Variants in LRRC4C observed in about 807,000 individuals in gnomAD.
LRRC4C encodes leucine-rich repeat-containing protein 4C.
A neutral mutation model predicts 33.6 loss-of-function variants in LRRC4C; 5 were observed. That is an observed-to-expected ratio of 0.15 (90% confidence interval 0.08 to 0.31). The LOEUF (loss-of-function observed/expected upper bound fraction) is 0.31. LRRC4C is among the 10% of genes least tolerant of loss of function. LRRC4C has a pLI of 1.00. For synonymous variants in LRRC4C, 329 were observed against 302.0 expected (o/e 1.09, Z -0.93); for missense variants, 560 against 796.7 (o/e 0.70, Z 3.58).
chr11:40,807,474 T>TCAG (rs11282323), intron 2 of LRRC4C, among the ~76,000 whole-genome samples: 1 of 151,938 alleles, frequency 6.6e-6, no homozygotes, highest in African/African-American at 2.4e-5. Flanking sequence ...TGGAAACAGC[T>TCAG]TTACTCCAAC....
At chr11:41,215,574 T>A (rs1947026251) in intron 1 of LRRC4C, among the ~76,000 whole-genome samples, 1 of 151,888 alleles carries the variant, frequency 6.6e-6, no homozygotes, top group Non-Finnish European at 1.5e-5. Flanking sequence ...ACCACTAATC[T>A]ACTTTTTTAT....
intron 2 of LRRC4C, among the ~76,000 whole-genome samples, chr11:40,781,774 G>T (rs939775210): frequency 6.6e-6 from 1 of 152,128 alleles, no homozygotes; most frequent in Non-Finnish European, 1.5e-5. Context: ...TGAGAAATGG[G>T]TTCTCCCAAT....
chr11:40,351,093 T>A (rs1204984062), intron 3 of LRRC4C, among the ~76,000 whole-genome samples: 5 of 152,046 alleles, frequency 3.3e-5, no homozygotes, highest in Admixed American at 3.3e-4. Flanking sequence ...GTTTGATTGT[T>A]CTGTGTAGGA....
At chr11:40,254,244 T>C (rs1252853534) in intron 4 of LRRC4C, among the ~76,000 whole-genome samples, 1 of 152,210 alleles carries the variant, frequency 6.6e-6, no homozygotes, top group Non-Finnish European at 1.5e-5. Context: ...ACAGGGCTGA[T>C]AAAATACCAT....
intron 3 of LRRC4C, among the ~76,000 whole-genome samples, chr11:40,573,054 A>G (rs1259912302): frequency 6.6e-6 from 1 of 152,196 alleles, no homozygotes; most frequent in African/African-American, 2.4e-5. Context: ...AGATTACTCA[A>G]GATAAAATAA....
At chr11:40,565,149 TTTCTTCC>T (rs750344803) in intron 3 of LRRC4C, among the ~76,000 whole-genome samples, 8 of 152,294 alleles carry the variant, frequency 5.3e-5, no homozygotes, top group Admixed American at 3.3e-4. Flanking sequence ...TTCATTCCAC[TTTCTTCC>T]TTCTTCAATG....
intron 1 of LRRC4C, among the ~76,000 whole-genome samples, chr11:40,939,237 T>C (rs1245740532): frequency 6.6e-6 from 1 of 152,138 alleles, no homozygotes. Context: ...AGATTTAATT[T>C]TAAAAAGGTG....
At chr11:40,293,657 T>C (rs952010178) in intron 4 of LRRC4C, 11 of 148,646 alleles carry the variant, frequency 7.4e-5, no homozygotes, top group Non-Finnish European at 3.0e-5. Flanking sequence ...AGAAAACGGG[T>C]AAAAAAAAAA....
intron 2 of LRRC4C, among the ~76,000 whole-genome samples, chr11:40,722,082 A>G (rs183952236): frequency 6.6e-6 from 1 of 152,228 alleles, no homozygotes; most frequent in Non-Finnish European, 1.5e-5. Flanking sequence ...CCACAAAAAA[A>G]TTACAGACAA....
chr11:41,419,702 C>T (rs1954809705), intron 1 of LRRC4C, among the ~76,000 whole-genome samples: 2 of 151,934 alleles, frequency 1.3e-5, no homozygotes, highest in African/African-American at 4.8e-5. Flanking sequence ...CTCCTGTAAT[C>T]ATCACAAAAC....
At chr11:40,898,366 A>AAAAAAAAAAAAAAAG (rs1554991246) in intron 2 of LRRC4C, among the ~76,000 whole-genome samples, 37 of 117,426 alleles carry the variant, frequency 3.2e-4, no homozygotes, top group East Asian at 5.2e-4. Flanking sequence ...AAAAAAAAAA[A>AAAAAAAAAAAAAAAG]AAAAAAGAAA....
chr11:40,796,094 GGTATTATACC>G (rs1950813884), intron 2 of LRRC4C, among the ~76,000 whole-genome samples: 1 of 152,050 alleles, frequency 6.6e-6, no homozygotes, highest in African/African-American at 2.4e-5. Context: ...TGGGTGCTTT[GGTATTATACC>G]CAGGTTTTGG....
intron 2 of LRRC4C, among the ~76,000 whole-genome samples, chr11:40,654,941 G>A (rs951457946): frequency 6.6e-6 from 1 of 152,078 alleles, no homozygotes; most frequent in Non-Finnish European, 1.5e-5. Context: ...TAAGTGTCTG[G>A]CATTTCCACT....
chr11:40,674,871 T>C (rs1195687330), intron 2 of LRRC4C, among the ~76,000 whole-genome samples: 1 of 152,102 alleles, frequency 6.6e-6, no homozygotes, highest in Admixed American at 6.5e-5. Flanking sequence ...ATTTCATAGA[T>C]GAAAAAACTG....
chr11:40,602,193 C>CAAAAAAAAAA (rs375091552), intron 3 of LRRC4C, among the ~76,000 whole-genome samples: 2 of 93,830 alleles, frequency 2.1e-5, no homozygotes, highest in Non-Finnish European at 3.8e-5. Flanking sequence ...GAATCTGTCT[C>CAAAAAAAAAA]AAAAAAAAAA....
In LRRC4C at chr11:40,140,225, G is replaced by C. The variant is rs139615729; in HGVS notation, c.-43+576C>G. Among the ~76,000 whole-genome samples the C allele has an allele frequency of 8.5e-4, 129 of 152,234 alleles. No individual in the cohort carries two copies. In the Middle Eastern group the frequency reaches 0.02, roughly 24 times the overall value. ...TTTAATGATGATACAATAAATCATA[G>C]AGCAAAGAGTCAGTGTTCCTGCCTC... On this transcript the variant is annotated intron_variant, in intron 6 of 6. Transcript: ENST00000528697.
At chr11:40,595,229 G>A (rs12222859) in intron 3 of LRRC4C, among the ~76,000 whole-genome samples, 1 of 150,086 alleles carries the variant, frequency 6.7e-6, no homozygotes, top group African/African-American at 2.5e-5. Context: ...AAAACCATTA[G>A]GTATTATCTT....
chr11:40,608,097 T>C (rs1960818180), intron 3 of LRRC4C, among the ~76,000 whole-genome samples: 1 of 152,156 alleles, frequency 6.6e-6, no homozygotes, highest in Admixed American at 6.5e-5. Flanking sequence ...TATAGAAGAA[T>C]ACAGAATACT....
intron 2 of LRRC4C, among the ~76,000 whole-genome samples, chr11:40,854,027 C>A (rs1246282185): frequency 2.1e-5 from 3 of 140,702 alleles, no homozygotes; most frequent in Non-Finnish European, 3.0e-5. Flanking sequence ...ACTCTCTTCT[C>A]AAACGATGCC....
Sources: gnomAD v4.1 joint callset for allele counts (sites outside exome capture counted in the v4.1 genomes callset) on GRCh38, gnomAD v4.1.1 for gene constraint, MANE v1.5 for transcripts, NCBI Gene and HGNC (gene_info 2026-07-23, HGNC 2026-07-21) for gene names.